The following PIP5K1B variants were observed in gnomAD, a reference collection of about 807,000 sequenced individuals.
PIP5K1B encodes the protein phosphatidylinositol 4-phosphate 5-kinase type-1 beta.
In PIP5K1B, 42 loss-of-function variants were observed where a neutral mutation model predicts 67.0. The observed-to-expected ratio is 0.63, with a 90% CI of 0.49 to 0.81. PIP5K1B has a LOEUF of 0.81. Among genes scored for constraint, PIP5K1B ranks in the 30% least tolerant of loss-of-function variants. The probability of loss-of-function intolerance (pLI) is 0.00; values close to 1 mark genes in which losing one functional copy is unlikely to be tolerated. For synonymous variants in PIP5K1B, 214 were observed against 231.4 expected (o/e 0.92, Z 0.68); for missense variants, 459 against 646.3 (o/e 0.71, Z 3.14).
intron 2 of PIP5K1B, among the ~76,000 whole-genome samples, chr9:68,747,401 G>A (rs962438208): frequency 6.6e-6 from 1 of 151,614 alleles, no homozygotes; most frequent in Non-Finnish European, 1.5e-5. Context: ...TATAAAGTGC[G>A]CGCTGTAACA....
chr9:68,943,537 A>AT (rs1482097782), intron 14 of PIP5K1B, among the ~76,000 whole-genome samples: 3 of 151,788 alleles, frequency 2.0e-5, no homozygotes, highest in Non-Finnish European at 4.4e-5. Context: ...TGTTTCTATC[A>AT]TTTTTTCCTT....
At chr9:68,731,270 C>T (rs573980731) in intron 1 of PIP5K1B, among the ~76,000 whole-genome samples, 4 of 152,196 alleles carry the variant, frequency 2.6e-5, no homozygotes, top group Middle Eastern at 3.4e-3. Flanking sequence ...CTGGATAGGA[C>T]GTATATATTT....
At chr9:68,921,503 A>G (rs1348648035) in intron 11 of PIP5K1B, among the ~76,000 whole-genome samples, 1 of 152,082 alleles carries the variant, frequency 6.6e-6, no homozygotes, top group African/African-American at 2.4e-5. Context: ...TTCTGAGACC[A>G]TTTCAATTTC....
intron 5 of PIP5K1B, among the ~76,000 whole-genome samples, chr9:68,873,680 A>G (rs1004568740): frequency 6.6e-6 from 1 of 151,836 alleles, no homozygotes; most frequent in East Asian, 1.9e-4. Context: ...TGTTTCCTAT[A>G]TAGTCTCAAT....
chr9:69,007,594 A>G (rs1248823577), intron 15 of PIP5K1B, among the ~76,000 whole-genome samples: 4 of 152,236 alleles, frequency 2.6e-5, no homozygotes, highest in Non-Finnish European at 4.4e-5. Flanking sequence ...GAGGTGGCTC[A>G]CGCCTGTAAT....
chr9:68,919,603 A>G (rs781501168), intron 10 of PIP5K1B, 41 bp downstream of exon 10: 105 of 1,400,548 alleles, frequency 7.5e-5, no homozygotes, highest in Non-Finnish European at 1.1e-5. Flanking sequence ...TTTCAAAATC[A>G]ATCTACAAAA....
chr9:68,802,265 G>A (rs1832639144), intron 2 of PIP5K1B, among the ~76,000 whole-genome samples: 1 of 152,216 alleles, frequency 6.6e-6, no homozygotes, highest in South Asian at 2.1e-4. Flanking sequence ...CTAAAAGGAG[G>A]AAGAAAACAT....
chr9:68,889,208 T>C (rs1824642875), intron 7 of PIP5K1B, 75 bp downstream of exon 7: 1 of 1,127,980 alleles, frequency 8.9e-7, no homozygotes, highest in Admixed American at 2.0e-5. Context: ...TCTGTTGTTT[T>C]TTTCAGTGAC....
At chr9:68,811,144 C>T (rs1449177361) in intron 2 of PIP5K1B, among the ~76,000 whole-genome samples, 1 of 152,128 alleles carries the variant, frequency 6.6e-6, no homozygotes, top group Non-Finnish European at 1.5e-5. Context: ...AACGGATTCC[C>T]AGAGCTATAA....
chr9:69,008,339 A>G (rs1183380310), intron 15 of PIP5K1B, 108 bp from the exon 16 acceptor site: 1 of 956,942 alleles, frequency 1.0e-6, no homozygotes, highest in East Asian at 2.4e-5. Flanking sequence ...CCCATTTTCC[A>G]GACACAAGTG....
At position 68,780,360 on chromosome 9, in the gene PIP5K1B, C is replaced by T. The variant is rs139921017; in HGVS notation, c.-86+37703C>T. On this transcript the variant is annotated intron_variant, in intron 2 of 15. Coordinates refer to ENST00000265382, the MANE Select transcript of PIP5K1B (RefSeq NM_003558.4). Reference sequence around the variant, plus strand: ...CGCCAGGCGGAACAGCACAACGTTCCCGAGCCGCCACGGCCTGCTGCTGCC... The same window carrying T: ...CGCCAGGCGGAACAGCACAACGTTCTCGAGCCGCCACGGCCTGCTGCTGCC... The T allele has an allele frequency of 8.4e-5, 135 of 1,612,298 alleles. No homozygotes were observed. Among genetic ancestry groups the T allele is most frequent in the Non-Finnish European group, 1.1e-4 (128 of 1,179,474 alleles).
At chr9:68,744,114 C>T (rs1215027155) in intron 2 of PIP5K1B, among the ~76,000 whole-genome samples, 1 of 152,152 alleles carries the variant, frequency 6.6e-6, no homozygotes, top group East Asian at 1.9e-4. Flanking sequence ...TCCGTAGCCT[C>T]AGTTGCCATA....
intron 4 of PIP5K1B, among the ~76,000 whole-genome samples, chr9:68,853,514 T>C (rs1404378945): frequency 6.6e-6 from 1 of 152,176 alleles, no homozygotes; most frequent in African/African-American, 2.4e-5. Context: ...CCCTGGAGCC[T>C]GGAGGATGCA....
intron 14 of PIP5K1B, among the ~76,000 whole-genome samples, chr9:68,987,366 C>G (rs1039562136): frequency 4.6e-5 from 7 of 152,114 alleles, no homozygotes; most frequent in Non-Finnish European, 1.0e-4. Context: ...CAGTTCAAGA[C>G]CAGCCTGGCC....
chr9:68,827,589 C>G (rs978383773), intron 4 of PIP5K1B, among the ~76,000 whole-genome samples: 1 of 152,062 alleles, frequency 6.6e-6, no homozygotes, highest in Non-Finnish European at 1.5e-5. Context: ...AGTGGCAGAG[C>G]ACAAGTTGTA....
chr9:68,834,009 G>C (rs527965370), intron 4 of PIP5K1B, among the ~76,000 whole-genome samples: 23 of 152,278 alleles, frequency 1.5e-4, no homozygotes, highest in African/African-American at 4.3e-4. Context: ...GGAGAAGAGA[G>C]GCCTCAGGAA....
intron 2 of PIP5K1B, chr9:68,789,565 G>C (rs1368145739): frequency 4.1e-6 from 2 of 483,296 alleles, no homozygotes; most frequent in East Asian, 1.2e-4. Flanking sequence ...GCTTGTTCTT[G>C]CACCTCAAAA....
chr9:68,934,085 A>C (rs10117400), intron 12 of PIP5K1B, among the ~76,000 whole-genome samples: 1 of 152,204 alleles, frequency 6.6e-6, no homozygotes, highest in Non-Finnish European at 1.5e-5. Context: ...GGAAATTCTC[A>C]AGCAATATTA....
intron 8 of PIP5K1B, among the ~76,000 whole-genome samples, chr9:68,897,832 T>A (rs1825165302): frequency 1.3e-5 from 2 of 152,112 alleles, no homozygotes; most frequent in African/African-American, 4.8e-5. Flanking sequence ...TATTTTGGCT[T>A]GACATCTCAG....
Sources: allele counts gnomAD v4.1 joint callset (sites outside exome capture counted in the v4.1 genomes callset), GRCh38; gene constraint gnomAD v4.1.1; transcripts MANE v1.5; gene names NCBI Gene and HGNC (gene_info 2026-07-23, HGNC 2026-07-21).